SLC25A53: variants seen among roughly 807,000 people sequenced by gnomAD.
SLC25A53 encodes the protein mitochondrial carrier triple repeat protein 6.
Under a neutral mutation model 15.0 loss-of-function variants are expected in SLC25A53, and 5 were observed. The observed-to-expected ratio is 0.33, with a 90% CI of 0.17 to 0.70. The LOEUF (loss-of-function observed/expected upper bound fraction) is 0.70. SLC25A53 is among the 30% of genes least tolerant of loss of function. The pLI is 0.67. For missense variants in SLC25A53, 216 were observed against 241.6 expected (o/e 0.89, Z 0.70); for synonymous variants, 95 against 100.0 (o/e 0.95, Z 0.30).
At chrX:104,153,087 C>T (rs1370694356) in intron 1 of SLC25A53, among the ~76,000 whole-genome samples, 1 of 110,880 alleles carries the variant, frequency 9.0e-6, no homozygotes, top group African/African-American at 3.3e-5. Context: ...TCAAATTAAG[C>T]TGTAACAAAA....
intron 1 of SLC25A53, among the ~76,000 whole-genome samples, chrX:104,126,712 C>A (rs1447470287): frequency 2.7e-5 from 3 of 111,521 alleles, no homozygotes; most frequent in African/African-American, 9.8e-5. Context: ...TAGAATTTCA[C>A]CAAAAAGAAT....
intron 1 of SLC25A53, among the ~76,000 whole-genome samples, chrX:104,127,387 C>T (rs115328390): frequency 0.039 from 4,286 of 111,133 alleles, 177 homozygotes; most frequent in African/African-American, 0.13. Flanking sequence ...CAAGGGAGGT[C>T]CTATTGAACA....
chrX:104,122,713 G>T (rs1177151636), intron 1 of SLC25A53, among the ~76,000 whole-genome samples: 2 of 111,833 alleles, frequency 1.8e-5, no homozygotes, highest in Admixed American at 9.5e-5. Flanking sequence ...ACTAAGCCAT[G>T]TTCCTCAATC....
intron 1 of SLC25A53, among the ~76,000 whole-genome samples, chrX:104,118,657 G>A (rs1043902118): frequency 8.9e-5 from 10 of 112,449 alleles, no homozygotes; most frequent in Admixed American, 2.8e-4. Context: ...GTTAGGAAAC[G>A]TACTTAGGGT....
rs372299970 is a variant in SLC25A53 at position 104,100,369 on chromosome X, A to T, written c.*3965T>A. ...GTTAAATTGTATATTTTATGTGTTT[A>T]AACAGATATAGATATTTATTACCTC... On this transcript the variant is annotated 3_prime_UTR_variant, in exon 2 of 2. Coordinates refer to ENST00000594199, the MANE Select transcript of SLC25A53 (RefSeq NM_001012755.5). 18 of 111,602 alleles carry T rather than the reference A, an allele frequency of 1.6e-4. No homozygotes were observed. The highest frequency in any genetic ancestry group is 5.9e-4 in the African/African-American group (18 of 30,750). The allele number at this position is 111,602 out of a possible 1,213,427, so 9.2% of individuals were successfully genotyped here.
intron 1 of SLC25A53, among the ~76,000 whole-genome samples, chrX:104,140,948 T>C (rs1437871222): frequency 2.7e-5 from 3 of 111,238 alleles, no homozygotes; most frequent in Admixed American, 1.9e-4. Flanking sequence ...TACACATATA[T>C]CAAAATTATT....
chrX:104,121,254 G>C (rs896416267), intron 1 of SLC25A53, among the ~76,000 whole-genome samples: 1 of 112,135 alleles, frequency 8.9e-6, no homozygotes, highest in Non-Finnish European at 1.9e-5. Context: ...AAGGTGTTTA[G>C]ATTATTTTTC....
chrX:104,118,462 T>G (rs1449237527), intron 1 of SLC25A53, among the ~76,000 whole-genome samples: 1 of 112,749 alleles, frequency 8.9e-6, no homozygotes, highest in East Asian at 2.8e-4. Flanking sequence ...AAAATTAAAA[T>G]CACTGCAAGT....
intron 1 of SLC25A53, among the ~76,000 whole-genome samples, chrX:104,140,171 G>T (rs2075447322): frequency 9.0e-6 from 1 of 111,390 alleles, no homozygotes; most frequent in African/African-American, 3.3e-5. Context: ...TCCCCAGGCT[G>T]GAGTGTAGTA....
chrX:104,132,206 T>C (rs1278043342), intron 1 of SLC25A53, among the ~76,000 whole-genome samples: 4 of 112,150 alleles, frequency 3.6e-5, no homozygotes, highest in Non-Finnish European at 7.5e-5. Context: ...AAAGCAGAGG[T>C]GATCCAGAGA....
intron 1 of SLC25A53, among the ~76,000 whole-genome samples, chrX:104,123,797 G>C (rs190578623): frequency 1.1e-4 from 12 of 110,693 alleles, no homozygotes; most frequent in Admixed American, 3.9e-4. Flanking sequence ...CCACTTATAA[G>C]TGAGAATATG....
In SLC25A53 at chrX:104,104,264, G is replaced by T; in HGVS notation, c.*70C>A. ...GGCTGTATTAGGCAACCTAGCCAAAGAAGTAAGCTATATAGAACCAACCAG... is the reference window on the plus strand; with the variant it reads ...GGCTGTATTAGGCAACCTAGCCAAATAAGTAAGCTATATAGAACCAACCAG... On this transcript the variant is annotated 3_prime_UTR_variant, in exon 2 of 2. Coordinates refer to ENST00000594199, the MANE Select transcript of SLC25A53 (RefSeq NM_001012755.5). 9.6e-7 allele frequency: 1 copy of T among 1,043,358 alleles called. No individual in the cohort carries two copies. Among genetic ancestry groups the T allele is most frequent in the East Asian group, 3.0e-5 (1 of 32,898 alleles). The allele number at this position is 1,043,358 out of a possible 1,213,427, so 86.0% of individuals were successfully genotyped here.
At chrX:104,132,423 A>C (rs2075427800) in intron 1 of SLC25A53, among the ~76,000 whole-genome samples, 1 of 112,078 alleles carries the variant, frequency 8.9e-6, no homozygotes, top group South Asian at 3.7e-4. Flanking sequence ...TAGTGTGATT[A>C]TAAAAACTGC....
At chrX:104,127,386 T>C (rs1255512492) in intron 1 of SLC25A53, among the ~76,000 whole-genome samples, 3 of 110,628 alleles carry the variant, frequency 2.7e-5, no homozygotes, top group Admixed American at 9.6e-5. Context: ...ACAAGGGAGG[T>C]CCTATTGAAC....
In SLC25A53 at chrX:104,104,673, G is replaced by T; in HGVS notation, c.585C>A (p.Phe195Leu). The T allele has an allele frequency of 8.3e-7, 1 of 1,211,579 alleles. No homozygotes were observed. The highest frequency in any genetic ancestry group is 1.7e-5 in the African/African-American group (1 of 57,722). The part of the protein sequence containing the change: ...NSLGSALYFS[F>L]KDPIQDGLAE... ...CCAGGCCATCCTGGATGGGGTCCTT[G>T]AAAGAAAAATATAGAGCACTCCCCA... is the stretch of plus-strand genomic sequence containing the variant. The change falls in exon 2 of 2, where the codon TTC (phenylalanine) becomes TTA (leucine). Residue 195 changes from phenylalanine to leucine, a missense_variant. Coordinates refer to ENST00000594199, the MANE Select transcript of SLC25A53 (RefSeq NM_001012755.5).
rs374570357 is a variant in SLC25A53, at chrX:104,104,992, G to A, written c.266C>T (p.Thr89Met). The A allele has an allele frequency of 5.8e-5, 70 of 1,209,788 alleles. No homozygotes were observed. The highest frequency in any genetic ancestry group is 1.1e-4 in the African/African-American group (6 of 57,084). Residue 89 changes from threonine (T) to methionine (M), a missense_variant, in exon 2 of 2, where the codon ACG becomes ATG. Physicochemically the swap from Thr to Met is moderately conservative, Grantham distance 81. Coordinates refer to ENST00000594199, the MANE Select transcript of SLC25A53 (RefSeq NM_001012755.5). ...RGIYPPLLSK[T>M]LQGTLLFGTY... ...CCCAAACAGAAGAGTCCCTTGCAAC[G>A]TCTTGGAGAGAAGAGGAGGGTAGAT...
chrX:104,115,391 G>C, intron 1 of SLC25A53: 2 of 1,013,976 alleles, frequency 2.0e-6, no homozygotes, highest in South Asian at 2.5e-5. Context: ...TAACAGGAGA[G>C]GGGGGTGGGT....
rs781806573 is a variant in SLC25A53, at chrX:104,147,296, A to G, written c.-32+9582T>C. Among the ~76,000 whole-genome samples, 5 of 111,168 alleles carry G rather than the reference A, an allele frequency of 4.5e-5. No homozygotes were observed. The South Asian group carries it at 1.9e-3, about 42-fold the overall frequency. On this transcript the variant is annotated intron_variant, in intron 1 of 1. Coordinates refer to ENST00000594199, the MANE Select transcript of SLC25A53 (RefSeq NM_001012755.5). Reference sequence around the variant, plus strand: ...TCCCTTCCTTACACCTTATACAAAAATTAATTCAAGATGGATTAAAGACTT... The same window carrying G: ...TCCCTTCCTTACACCTTATACAAAAGTTAATTCAAGATGGATTAAAGACTT...
At chrX:104,121,959 T>G (rs1398493808) in intron 1 of SLC25A53, among the ~76,000 whole-genome samples, 8 of 78,110 alleles carry the variant, frequency 1.0e-4, no homozygotes, top group Non-Finnish European at 1.9e-4. Flanking sequence ...TTGGTAGAGA[T>G]GGCAATCGCA....
Sources: allele counts gnomAD v4.1 joint callset (sites outside exome capture counted in the v4.1 genomes callset), GRCh38; gene constraint gnomAD v4.1.1; transcripts MANE v1.5; gene names NCBI Gene and HGNC (gene_info 2026-07-23, HGNC 2026-07-21).